RTL4: variants seen among roughly 807,000 people sequenced by gnomAD.
RTL4 encodes retrotransposon Gag-like protein 4.
A neutral mutation model predicts 5.3 loss-of-function variants in RTL4; 4 were observed. The observed-to-expected ratio is 0.75, with a 90% confidence interval of 0.37 to 1.72. The LOEUF (loss-of-function observed/expected upper bound fraction) is 1.72, where lower values mean the gene tolerates loss of function less well. Ranked by LOEUF, RTL4 falls within the 40% of genes most tolerant of loss-of-function variation. The pLI, the probability that RTL4 is intolerant of heterozygous loss-of-function variation, is 0.04. For synonymous variants in RTL4, 98 were observed against 87.3 expected, an observed-to-expected ratio of 1.12 and a Z score of -0.68; for missense variants, 260 against 227.1, an observed-to-expected ratio of 1.14 and a Z score of -0.93.
the RTL4 span, among the ~76,000 whole-genome samples, chrX:112,341,619 A>G: frequency 8.9e-6 from 1 of 111,921 alleles, no homozygotes; most frequent in Non-Finnish European, 1.9e-5. Context: ...TTCATTGTTT[A>G]GGGTAGAAAA....
the RTL4 span, chrX:112,381,549 A>C: frequency 1.6e-5 from 19 of 1,186,656 alleles, no homozygotes; most frequent in Non-Finnish European, 3.4e-6. Flanking sequence ...TACACAAAGC[A>C]ACCTGAGAAG....
chrX:112,383,727 T>G, the RTL4 span, among the ~76,000 whole-genome samples: 97 of 111,267 alleles, frequency 8.7e-4, no homozygotes, highest in Non-Finnish European at 1.6e-3. Context: ...TTATCCTAAG[T>G]GAAATAACAC....
the RTL4 span, among the ~76,000 whole-genome samples, chrX:112,196,444 C>A: frequency 8.9e-6 from 1 of 111,933 alleles, no homozygotes; most frequent in Non-Finnish European, 1.9e-5. Flanking sequence ...CTGCTATGAG[C>A]ATGTATATAC....
At chrX:112,136,286 C>G in the RTL4 span, among the ~76,000 whole-genome samples, 13 of 111,400 alleles carry the variant, frequency 1.2e-4, no homozygotes, top group African/African-American at 4.2e-4. Flanking sequence ...AGATAATTGT[C>G]CTTCTTACTT....
chrX:112,455,564 TGTGCCTCTACTGCAGCCAATC>T, exon 1 of RTL4: 1 of 1,211,723 alleles, frequency 8.3e-7, no homozygotes, highest in Non-Finnish European at 1.1e-6. Flanking sequence ...GAAACTCAGT[TGTGCCTCTACTGCAGCCAATC>T]TGGTCACTTC....
the RTL4 span, among the ~76,000 whole-genome samples, chrX:112,245,376 T>C: frequency 8.9e-6 from 1 of 111,838 alleles, no homozygotes; most frequent in African/African-American, 3.3e-5. Flanking sequence ...CCATATTTCT[T>C]GGAGGCTTTG....
chrX:112,154,402 T>C, the RTL4 span, among the ~76,000 whole-genome samples: 14 of 112,366 alleles, frequency 1.2e-4, no homozygotes, highest in African/African-American at 4.5e-4. Context: ...TCTTATTTAT[T>C]TGCATGTGCT....
At chrX:112,265,424 G>A in the RTL4 span, among the ~76,000 whole-genome samples, 1 of 111,677 alleles carries the variant, frequency 9.0e-6, no homozygotes, top group Non-Finnish European at 1.9e-5. Context: ...ACAGAAGGGG[G>A]CTTTAATTTG....
chrX:112,289,942 A>G, the RTL4 span, among the ~76,000 whole-genome samples: 1 of 111,304 alleles, frequency 9.0e-6, no homozygotes, highest in Non-Finnish European at 1.9e-5. Context: ...GTATACAGAG[A>G]GTAAGTGAGA....
the RTL4 span, among the ~76,000 whole-genome samples, chrX:112,234,668 C>A: frequency 9.9e-4 from 111 of 111,991 alleles, no homozygotes; most frequent in Middle Eastern, 4.6e-3. Context: ...CTGTCTTTGC[C>A]AGAGCAAATG....
the RTL4 span, among the ~76,000 whole-genome samples, chrX:112,230,960 A>G: frequency 9.0e-6 from 1 of 111,706 alleles, no homozygotes; most frequent in Non-Finnish European, 1.9e-5. Context: ...GCAGCCAAAA[A>G]ACACATGAAA....
chrX:112,166,604 G>A, the RTL4 span, among the ~76,000 whole-genome samples: 4 of 111,649 alleles, frequency 3.6e-5, no homozygotes, highest in Non-Finnish European at 7.5e-5. Context: ...TGCTTAGGGG[G>A]TTTCTCTTTT....
chrX:112,261,530 A>T, the RTL4 span, among the ~76,000 whole-genome samples: 1 of 111,822 alleles, frequency 8.9e-6, no homozygotes, highest in Admixed American at 9.5e-5. Flanking sequence ...CCACTGCTCA[A>T]CAAAATAAAA....
the RTL4 span, among the ~76,000 whole-genome samples, chrX:112,212,849 T>C: frequency 1.8e-5 from 2 of 112,306 alleles, no homozygotes; most frequent in African/African-American, 6.5e-5. Context: ...TACTGAAACC[T>C]ATTCCCATTG....
chrX:112,278,603 A>G, the RTL4 span, among the ~76,000 whole-genome samples: 1 of 111,717 alleles, frequency 9.0e-6, no homozygotes, highest in East Asian at 2.8e-4. Context: ...TATTACCAGG[A>G]CATATGACTA....
the RTL4 span, among the ~76,000 whole-genome samples, chrX:112,248,434 C>A: frequency 0.018 from 1,964 of 111,815 alleles, 43 homozygotes; most frequent in African/African-American, 0.061. Context: ...TGCTTTAAAC[C>A]AAAACACAAT....
At chrX:112,114,354 C>T in the RTL4 span, among the ~76,000 whole-genome samples, 2 of 111,747 alleles carry the variant, frequency 1.8e-5, no homozygotes, top group African/African-American at 6.5e-5. Context: ...ATCATTCTAT[C>T]ATTTACTTGA....
chrX:112,304,950 T>C, the RTL4 span, among the ~76,000 whole-genome samples: 1 of 109,851 alleles, frequency 9.1e-6, no homozygotes, highest in African/African-American at 3.3e-5. Context: ...TTCAATAACT[T>C]TTTTAGCATT....
chrX:112,419,581 A>ATATATATATATTTACATATGTATATG, the RTL4 span, among the ~76,000 whole-genome samples: 1 of 35,998 alleles, frequency 2.8e-5, no homozygotes, highest in Non-Finnish European at 6.0e-5. Flanking sequence ...GGTAGTATAT[A>ATATATATATATTTACATATGTATATG]TATATATATA....
Sources: allele counts gnomAD v4.1 joint callset (sites outside exome capture counted in the v4.1 genomes callset), GRCh38; gene constraint gnomAD v4.1.1; transcripts MANE v1.5; gene names NCBI Gene and HGNC (gene_info 2026-07-23, HGNC 2026-07-21).